Variants in ANKRD49 observed in about 807,000 individuals in gnomAD.
ANKRD49 encodes ankyrin repeat domain 49, also known as ankyrin repeat domain-containing protein 49.
Under a neutral mutation model 19.6 loss-of-function variants are expected in ANKRD49, and 18 were observed. The observed-to-expected ratio is 0.92, with a 90% CI of 0.63 to 1.36. ANKRD49 has a LOEUF of 1.36. ANKRD49 is among the 40% of genes most tolerant of loss of function. ANKRD49 has a pLI of 0.00. For synonymous variants in ANKRD49, 88 were observed against 101.8 expected (o/e 0.86, Z 0.82); for missense variants, 218 against 281.6 (o/e 0.77, Z 1.62).
chr11:94,495,217 T>C (rs1008709858), intron 1 of ANKRD49, among the ~76,000 whole-genome samples: 1 of 152,190 alleles, frequency 6.6e-6, no homozygotes, highest in Non-Finnish European at 1.5e-5. Context: ...CTTGTGAGAT[T>C]AGGTATCAAG....
chr11:94,498,737 T>C lies in ANKRD49; in HGVS notation c.*205T>C. 1 of 571,802 alleles carries C rather than the reference T, an allele frequency of 1.7e-6. No homozygotes were observed. Among genetic ancestry groups the C allele is most frequent in the Non-Finnish European group, 3.0e-6 (1 of 328,862 alleles). 35.4% of individuals were successfully genotyped at this position (571,802 alleles called of 1,614,324 possible). On this transcript the variant is annotated 3_prime_UTR_variant, in exon 3 of 3. Transcript: ENST00000544612. ...TATATCTTTAATTATTTCTGTGGAGTTTGTGATTTTTTTATCAGAAATAAT... is the reference window on the plus strand; with the variant it reads ...TATATCTTTAATTATTTCTGTGGAGCTTGTGATTTTTTTATCAGAAATAAT...
intron 1 of ANKRD49, 104 bp from the exon 2 acceptor site, chr11:94,496,500 G>A (rs974783884): frequency 2.5e-5 from 13 of 517,726 alleles, no homozygotes; most frequent in African/African-American, 5.8e-5. Flanking sequence ...AGAAAAACAA[G>A]AGTTTAGACA....
At chr11:94,497,822 G>T (rs1336319899) in intron 2 of ANKRD49, 5 of 417,304 alleles carry the variant, frequency 1.2e-5, no homozygotes, top group Admixed American at 4.1e-5. Flanking sequence ...AGGAGTAAAT[G>T]TATGGTTTGA....
rs542537033 is a variant in ANKRD49, at chr11:94,497,851, C to T, written c.259-220C>T. The T allele has an allele frequency of 8.5e-6, 4 of 472,684 alleles. No individual in the cohort carries two copies. In the South Asian group the frequency reaches 1.1e-4, roughly 13 times the overall value. The allele number at this position is 472,684 out of a possible 1,614,324, so 29.3% of individuals were successfully genotyped here. A position where few individuals can be genotyped will look rare whatever the true frequency, so the allele number is the denominator to read the frequency against. On this transcript the variant is annotated intron_variant, in intron 2 of 2. Coordinates refer to ENST00000544612, the MANE Select transcript of ANKRD49 (RefSeq NM_017704.3). The stretch of plus-strand genomic sequence containing the variant: ...GGTTTGATATTCAGAGAATCTCATT[C>T]TTAGAAGCAACAAAGTGTAGTTAAC...
At chr11:94,497,204 G>C in intron 2 of ANKRD49, 4 of 545,456 alleles carry the variant, frequency 7.3e-6, no homozygotes, top group Middle Eastern at 4.4e-4. Flanking sequence ...AAAGTCATTA[G>C]GATCATTTAG....
intron 2 of ANKRD49, chr11:94,497,308 T>A (rs1224801651): frequency 5.1e-6 from 2 of 394,604 alleles, no homozygotes; most frequent in Admixed American, 4.2e-5. Context: ...TCCCTATAAG[T>A]AATATTCTTC....
At chr11:94,497,034 G>A in intron 2 of ANKRD49, 83 bp downstream of exon 2, 1 of 1,557,776 alleles carries the variant, frequency 6.4e-7, no homozygotes, top group Non-Finnish European at 8.8e-7. Flanking sequence ...TACTGTTATG[G>A]CCATCATACC....
Position 94,496,909 on chromosome 11 carries a change from AG to A in ANKRD49, c.217del (p.Asp73ThrfsTer29). 1 of 1,613,800 alleles carries A rather than the reference AG, an allele frequency of 6.2e-7. No homozygotes were observed. The highest frequency in any genetic ancestry group is 8.5e-7 in the Non-Finnish European group (1 of 1,179,980). ...YRLQEKKMEK[D>X]PSRLLLWAAE... is the part of the protein sequence containing the mutation. Reference sequence around the variant, plus strand: ...GATTGCAAGAAAAAAAAATGGAAAAAGACCCAAGCAGATTGCTTCTTTGGGC... The same window carrying A: ...GATTGCAAGAAAAAAAAATGGAAAAAACCCAAGCAGATTGCTTCTTTGGGC... On this transcript the variant is annotated frameshift_variant, in exon 2 of 3. Coordinates refer to ENST00000544612, the MANE Select transcript of ANKRD49 (RefSeq NM_017704.3). LOFTEE classifies it high-confidence loss of function.
At chr11:94,494,351 G>A (rs1039940070) in intron 1 of ANKRD49, among the ~76,000 whole-genome samples, 3 of 152,192 alleles carry the variant, frequency 2.0e-5, no homozygotes, top group Admixed American at 1.3e-4. Flanking sequence ...CATCTGCACT[G>A]CTTTGTGCTG....
intron 1 of ANKRD49, among the ~76,000 whole-genome samples, chr11:94,496,396 A>G (rs1947418967): frequency 6.6e-6 from 1 of 152,200 alleles, no homozygotes; most frequent in Non-Finnish European, 1.5e-5. Flanking sequence ...ACTTAGAAGA[A>G]AACAACAAAA....
rs1947459159 is a variant in ANKRD49 at position 94,499,258 on chromosome 11, C to A, written c.*726C>A. 1 of 152,772 alleles carries A rather than the reference C, an allele frequency of 6.5e-6. No homozygotes were observed. The highest frequency in any genetic ancestry group is 6.5e-5 in the Admixed American group (1 of 15,280). The allele number at this position is 152,772 out of a possible 1,614,324, so 9.5% of individuals were successfully genotyped here. ...ATCACGATGACCTTGTAGACATGCACACAACTATACCTTTGTCCAACAGAT... is the reference window on the plus strand; with the variant it reads ...ATCACGATGACCTTGTAGACATGCAAACAACTATACCTTTGTCCAACAGAT... On this transcript the variant is annotated 3_prime_UTR_variant, in exon 3 of 3. Coordinates refer to ENST00000544612, the MANE Select transcript of ANKRD49 (RefSeq NM_017704.3).
At chr11:94,497,072 G>A (rs1215463136) in intron 2 of ANKRD49, 121 bp downstream of exon 2, 4 of 1,335,820 alleles carry the variant, frequency 3.0e-6, no homozygotes, top group Non-Finnish European at 4.2e-6. Flanking sequence ...GACCAAATGA[G>A]ACAATGTACA....
chr11:94,496,078 A>T (rs1006814047), intron 1 of ANKRD49, among the ~76,000 whole-genome samples: 3 of 152,238 alleles, frequency 2.0e-5, no homozygotes, highest in African/African-American at 7.2e-5. Flanking sequence ...TTATCAAAGT[A>T]GAAATAGGAT....
Position 94,494,246 on chromosome 11 carries a change from G to C in ANKRD49, c.-91+211G>C, listed in dbSNP as rs1046862093. 3 of 152,368 alleles carry C rather than the reference G, an allele frequency of 2.0e-5. No homozygotes were observed. The East Asian group carries it at 5.8e-4, about 30-fold the overall frequency. The allele number at this position is 152,368 out of a possible 1,614,324, so 9.4% of individuals were successfully genotyped here. ...GGAGCTCACGGGCCTGTGAGCTCCC[G>C]GCTGGTGGCAGAGTGCCGGAGCTGG... On this transcript the variant is annotated intron_variant, in intron 1 of 2. Coordinates refer to ENST00000544612, the MANE Select transcript of ANKRD49 (RefSeq NM_017704.3).
chr11:94,495,852 G>C (rs1231141285), intron 1 of ANKRD49, among the ~76,000 whole-genome samples: 1 of 152,134 alleles, frequency 6.6e-6, no homozygotes, highest in Non-Finnish European at 1.5e-5. Context: ...ACCTACACTA[G>C]AGTAAGCTTC....
intron 1 of ANKRD49, among the ~76,000 whole-genome samples, chr11:94,495,750 T>C (rs867160113): frequency 2.0e-4 from 31 of 152,298 alleles, no homozygotes; most frequent in Admixed American, 1.2e-3. Flanking sequence ...AGGGGAATTA[T>C]GAACCTCCTG....
chr11:94,498,189 A>G lies in ANKRD49; in HGVS notation c.377A>G (p.Glu126Gly). 1 of 1,614,160 alleles carries G rather than the reference A, an allele frequency of 6.2e-7. No homozygotes were observed. The highest frequency in any genetic ancestry group is 8.5e-7 in the Non-Finnish European group (1 of 1,180,032). ...AYSGHLDIVQ[E>G]LIAQGADVHA... ...AGTGGACACTTAGATATTGTTCAGG[A>G]GCTCATTGCACAGGGGGCCGATGTT... Residue 126 changes from glutamate to glycine, a missense_variant, in exon 3 of 3, where the codon GAG becomes GGG. Transcript: ENST00000544612.
rs146992146 is a variant in ANKRD49, at chr11:94,498,107, A to G, written c.295A>G (p.Thr99Ala). The change falls in exon 3 of 3, where the codon ACT becomes GCT. Residue 99 changes from threonine to alanine, a missense_variant. Physicochemically the swap from Thr to Ala is moderately conservative, Grantham distance 58. Transcript: ENST00000544612. ...TVRRLLSEKA[T>A]HVNTRDEDEY... ...GCGGAGACTCCTTTCTGAAAAGGCC[A>G]CTCACGTGAACACTAGGGATGAAGA... 1.8e-4 allele frequency: 297 copies of G among 1,613,110 alleles called. No individual in the cohort carries two copies. The African/African-American group carries it at 3.5e-3, about 19-fold the overall frequency.
rs1165278227 is a variant in ANKRD49, at chr11:94,496,679, G to C, written c.-15G>C. 4 of 1,559,498 alleles carry C rather than the reference G, an allele frequency of 2.6e-6. No individual in the cohort carries two copies. The highest frequency in any genetic ancestry group is 3.5e-6 in the Non-Finnish European group (4 of 1,156,922). ...TGGCATTTGAAATGCTTTTTATTTAGAATAGTAGTAAAAAATGGAAAAAGA... is the reference window on the plus strand; with the variant it reads ...TGGCATTTGAAATGCTTTTTATTTACAATAGTAGTAAAAAATGGAAAAAGA... On this transcript the variant is annotated 5_prime_UTR_variant, in exon 2 of 3. An upstream open reading frame in the 5' UTR loses its in-frame stop. Coordinates refer to ENST00000544612, the MANE Select transcript of ANKRD49 (RefSeq NM_017704.3).
Sources: allele counts gnomAD v4.1 joint callset (sites outside exome capture counted in the v4.1 genomes callset), GRCh38; gene constraint gnomAD v4.1.1; transcripts MANE v1.5; gene names NCBI Gene and HGNC (gene_info 2026-07-23, HGNC 2026-07-21).